CREBBP: variants seen among roughly 807,000 people sequenced by gnomAD.
The protein encoded by CREBBP is CREB binding lysine acetyltransferase, also known as CREB-binding protein.
In CREBBP, 19 loss-of-function variants were observed where a neutral mutation model predicts 265.0. That is an observed-to-expected ratio of 0.07 (90% CI 0.05 to 0.11). CREBBP has a LOEUF of 0.11. Ranked by LOEUF, CREBBP falls within the 10% of genes least tolerant of loss-of-function variation. CREBBP has a pLI of 1.00. For synonymous variants in CREBBP, 1,457 were observed against 1,223.7 expected, an observed-to-expected ratio of 1.19 and a Z score of -3.98; for missense variants, 2,525 against 3,219.0, an observed-to-expected ratio of 0.78 and a Z score of 5.22.
intron 28 of CREBBP, 91 bp downstream of exon 28, chr16:3,735,945 A>G: frequency 6.2e-7 from 1 of 1,606,948 alleles, no homozygotes; most frequent in Admixed American, 1.7e-5. Flanking sequence ...CACCACAGGA[A>G]GGACCTAACA....
rs759165980 is a variant in CREBBP at position 3,879,949 on chromosome 16, G to C, written c.-33C>G. On this transcript the variant is annotated 5_prime_UTR_variant, in exon 1 of 31. Transcript: ENST00000262367. ...TGCTCGCGAAAACAGCCCCGGGCAC[G>C]GGCGGCCGGGCCGGCGAGGGCCCGG... 1.9e-6 allele frequency: 3 copies of C among 1,595,246 alleles called. No homozygotes were observed. Among genetic ancestry groups the C allele is most frequent in the South Asian group, 2.3e-5 (2 of 88,874 alleles).
At chr16:3,785,011 A>AT (rs2053353348) in intron 5 of CREBBP, among the ~76,000 whole-genome samples, 1 of 152,266 alleles carries the variant, frequency 6.6e-6, no homozygotes, top group African/African-American at 2.4e-5. Context: ...AAGGAAATTA[A>AT]TTATGAACAA....
chr16:3,841,126 T>C (rs1043478125), intron 2 of CREBBP: 2 of 153,442 alleles, frequency 1.3e-5, no homozygotes, highest in Non-Finnish European at 2.9e-5. Flanking sequence ...AGTTCTAGGA[T>C]GTATTTTTCT....
intron 1 of CREBBP, among the ~76,000 whole-genome samples, chr16:3,877,234 G>C (rs892190591): frequency 6.6e-6 from 1 of 152,142 alleles, no homozygotes; most frequent in African/African-American, 2.4e-5. Flanking sequence ...ATAAGATTGA[G>C]TTCCTCAAGA....
chr16:3,781,736 T>C (rs942349075), intron 6 of CREBBP, among the ~76,000 whole-genome samples: 3 of 152,244 alleles, frequency 2.0e-5, no homozygotes, highest in South Asian at 2.1e-4. Context: ...GAAAAAAATA[T>C]AGAGGTCAAT....
intron 21 of CREBBP, among the ~76,000 whole-genome samples, chr16:3,747,040 T>C (rs763873300): frequency 5.3e-5 from 8 of 151,764 alleles, no homozygotes; most frequent in Non-Finnish European, 7.4e-5. Context: ...CCACTCCCAA[T>C]TATTATGGGC....
In CREBBP at chr16:3,739,708, C is replaced by T. The variant is rs1567272395; in HGVS notation, c.4150G>A (p.Glu1384Lys). Residue 1384 changes from glutamate to lysine, a missense_variant, in exon 25 of 31, where the codon GAA becomes AAA. Physicochemically the swap from Glu to Lys is moderately conservative, Grantham distance 56. Around this residue, in one of 19 missense-constraint regions of CREBBP, gnomAD observed 252 missense variants for 452.5 expected, o/e 0.56. Coordinates refer to ENST00000262367, the MANE Select transcript of CREBBP (RefSeq NM_004380.3). ...CGATATGGGAAAGATTCAGACATTT[C>T]CCCAGAATCCACAAACCTGAAACAA... ...GMKSRFVDSGEMSESFPYRTK... is the reference protein window; with the variant it reads ...GMKSRFVDSGKMSESFPYRTK... The T allele has an allele frequency of 1.2e-6, 2 of 1,614,250 alleles. No individual in the cohort carries two copies. Among genetic ancestry groups the T allele is most frequent in the Non-Finnish European group, 1.7e-6 (2 of 1,180,044 alleles).
At chr16:3,790,493 G>A (rs1049876651) in intron 5 of CREBBP, among the ~76,000 whole-genome samples, 2 of 148,436 alleles carry the variant, frequency 1.3e-5, no homozygotes. Flanking sequence ...TCCTGCCTCA[G>A]CCTCCCAAGT....
At chr16:3,820,502 A>G (rs895157620) in intron 2 of CREBBP, among the ~76,000 whole-genome samples, 1 of 152,236 alleles carries the variant, frequency 6.6e-6, no homozygotes, top group Non-Finnish European at 1.5e-5. Flanking sequence ...CCAGGTCTGA[A>G]CATTTGCCCT....
intron 5 of CREBBP, 140 bp downstream of exon 5, chr16:3,791,841 C>CCTTGG: frequency 1.3e-6 from 1 of 765,742 alleles, no homozygotes. Context: ...CTTGGCTGTA[C>CCTTGG]CTTGGGCTGC....
At chr16:3,847,090 G>C (rs1364165051) in intron 2 of CREBBP, among the ~76,000 whole-genome samples, 1 of 152,282 alleles carries the variant, frequency 6.6e-6, no homozygotes, top group Non-Finnish European at 1.5e-5. Flanking sequence ...CTCAGAGGAT[G>C]AGATCAATAA....
intron 2 of CREBBP, among the ~76,000 whole-genome samples, chr16:3,818,228 T>C (rs548571737): frequency 2.6e-5 from 4 of 152,072 alleles, no homozygotes; most frequent in South Asian, 2.1e-4. Flanking sequence ...GACGCAGAAC[T>C]TGACCTAGAG....
intron 2 of CREBBP, among the ~76,000 whole-genome samples, chr16:3,824,159 A>T (rs1246089136): frequency 6.6e-6 from 1 of 152,210 alleles, no homozygotes; most frequent in Non-Finnish European, 1.5e-5. Context: ...TGCTAAATGG[A>T]GTTTCAAAAG....
At chr16:3,778,945 T>C in intron 8 of CREBBP, 128 bp from the exon 9 acceptor site, 1 of 701,622 alleles carries the variant, frequency 1.4e-6, no homozygotes, top group Admixed American at 2.0e-5. Context: ...GGCGGGAGAA[T>C]CACCTGAGGT....
chr16:3,797,378 T>C (rs187272194), intron 3 of CREBBP, among the ~76,000 whole-genome samples: 96 of 152,314 alleles, frequency 6.3e-4, no homozygotes, highest in African/African-American at 2.1e-3. Flanking sequence ...AATTAGCATA[T>C]AGAAGTCCCC....
At chr16:3,825,460 A>C (rs1369276322) in intron 2 of CREBBP, among the ~76,000 whole-genome samples, 1 of 152,210 alleles carries the variant, frequency 6.6e-6, no homozygotes, top group Non-Finnish European at 1.5e-5. Context: ...TTGGAATTGC[A>C]ATTAGTTGAT....
At chr16:3,769,019 A>T (rs1596881668) in intron 15 of CREBBP, among the ~76,000 whole-genome samples, 155 bp downstream of exon 15, 1 of 152,182 alleles carries the variant, frequency 6.6e-6, no homozygotes, top group African/African-American at 2.4e-5. Flanking sequence ...AGCTGTTTTC[A>T]ATCAATTTCC....
chr16:3,880,038 G>C lies in CREBBP; in HGVS notation c.-122C>G. On this transcript the variant is annotated 5_prime_UTR_variant, in exon 1 of 31. Transcript: ENST00000262367. Reference sequence around the variant, plus strand: ...GCGAGCGCGGGCCGCGAGCGGGCGGGCGGGCGCCGAGGGAGAGGGAGGGCG... The same window carrying C: ...GCGAGCGCGGGCCGCGAGCGGGCGGCCGGGCGCCGAGGGAGAGGGAGGGCG... 1.2e-6 allele frequency: 1 copy of C among 814,286 alleles called. No homozygotes were observed. Among genetic ancestry groups the C allele is most frequent in the East Asian group, 4.1e-5 (1 of 24,478 alleles). The allele number at this position is 814,286 out of a possible 1,614,324, so 50.4% of individuals were successfully genotyped here.
At position 3,850,316 on chromosome 16, in the gene CREBBP, T is replaced by C. The variant is rs1205762806; in HGVS notation, c.779A>G (p.Gln260Arg). ...ACTTACCTTGGCCATGCCTCCTGCCTGTGCGGTGTTCAGTCCCGCGTGACC... is the reference window on the plus strand; with the variant it reads ...ACTTACCTTGGCCATGCCTCCTGCCCGTGCGGTGTTCAGTCCCGCGTGACC... ...MTGHAGLNTAQAGGMAKMGIT... is the reference protein window; with the variant it reads ...MTGHAGLNTARAGGMAKMGIT... Residue 260 changes from glutamine (Q) to arginine (R), a missense_variant, in exon 2 of 31, where the codon CAG (glutamine) becomes CGG (arginine). Around this residue, in one of 19 missense-constraint regions of CREBBP, gnomAD observed 356 missense variants for 340.4 expected, o/e 1.05. Coordinates refer to ENST00000262367, the MANE Select transcript of CREBBP (RefSeq NM_004380.3). 3 of 1,614,120 alleles carry C rather than the reference T, an allele frequency of 1.9e-6. No homozygotes were observed. The highest frequency in any genetic ancestry group is 2.5e-6 in the Non-Finnish European group (3 of 1,180,042).
Sources: gnomAD v4.1 joint callset for allele counts (sites outside exome capture counted in the v4.1 genomes callset) on GRCh38, gnomAD v4.1.1 for gene constraint, gnomAD v4.1.1 regional missense constraint, MANE v1.5 for transcripts, NCBI Gene and HGNC (gene_info 2026-07-23, HGNC 2026-07-21) for gene names.